PRDM16: variants seen among roughly 807,000 people sequenced by gnomAD.
PRDM16 encodes the protein histone-lysine N-methyltransferase PRDM16.
A neutral mutation model predicts 110.6 loss-of-function variants in PRDM16; 23 were observed. The observed-to-expected ratio is 0.21, with a 90% CI of 0.15 to 0.29. The LOEUF (loss-of-function observed/expected upper bound fraction) is 0.29. Among genes scored for constraint, PRDM16 ranks in the 10% least tolerant of loss-of-function variants. The pLI is 1.00. For missense variants in PRDM16, 1,615 were observed against 1,794.3 expected (o/e 0.90, Z 1.81); for synonymous variants, 799 against 781.8 (o/e 1.02, Z -0.37).
intron 3 of PRDM16, among the ~76,000 whole-genome samples, chr1:3,365,091 G>A (rs1642786124): frequency 6.6e-6 from 1 of 152,234 alleles, no homozygotes; most frequent in East Asian, 1.9e-4. Flanking sequence ...AGTGGGCGAG[G>A]GCAGCAACCT....
chr1:3,383,923 CTGCCCAAGGACACACT>C (rs1436511849), intron 3 of PRDM16, among the ~76,000 whole-genome samples: 2 of 151,582 alleles, frequency 1.3e-5, no homozygotes, highest in South Asian at 2.1e-4. Flanking sequence ...AAGGACACAC[CTGCCCAAGGACACACT>C]TGCCCACCAG....
At chr1:3,158,215 G>A (rs1002667484) in intron 1 of PRDM16, among the ~76,000 whole-genome samples, 7 of 152,096 alleles carry the variant, frequency 4.6e-5, no homozygotes, top group Non-Finnish European at 1.0e-4. Context: ...ACCGAGTCAC[G>A]CTCTCCATCA....
At chr1:3,342,154 C>G (rs1642285928) in intron 3 of PRDM16, among the ~76,000 whole-genome samples, 1 of 152,174 alleles carries the variant, frequency 6.6e-6, no homozygotes, top group Non-Finnish European at 1.5e-5. Flanking sequence ...TCACCTGTGC[C>G]ACCAACACCC....
intron 4 of PRDM16, chr1:3,394,372 C>T (rs1278377864): frequency 4.6e-6 from 2 of 431,838 alleles, no homozygotes; most frequent in East Asian, 1.5e-4. Context: ...GGCCGCCCAG[C>T]CCCCGTCCGC....
chr1:3,126,465 C>A (rs1270779531), intron 1 of PRDM16, among the ~76,000 whole-genome samples: 2 of 152,210 alleles, frequency 1.3e-5, no homozygotes, highest in Non-Finnish European at 2.9e-5. Context: ...CACCTGGGGT[C>A]CAGACAGCCC....
At chr1:3,380,419 G>A (rs918303419) in intron 3 of PRDM16, among the ~76,000 whole-genome samples, 3 of 152,078 alleles carry the variant, frequency 2.0e-5, no homozygotes, top group Non-Finnish European at 2.9e-5. Context: ...CCCGGCCTCC[G>A]GGGACAAGGA....
Position 3,425,105 on chromosome 1 carries a change from T to C in PRDM16, c.2940-476T>C, listed in dbSNP as rs569125355. 1 of 130,872 alleles carries C rather than the reference T, an allele frequency of 7.6e-6. No homozygotes were observed. Among genetic ancestry groups the C allele is most frequent in the East Asian group, 2.3e-4 (1 of 4,400 alleles). 8.1% of individuals were successfully genotyped at this position (130,872 alleles called of 1,614,324 possible). A position where few individuals can be genotyped will look rare whatever the true frequency, so the allele number is the denominator to read the frequency against. Reference sequence around the variant, plus strand: ...TTTTTTTTTTTTTTTTGAGATGGAGTCTCGCTCTGTCGCCCAGGCTGGAGT... The same window carrying C: ...TTTTTTTTTTTTTTTTGAGATGGAGCCTCGCTCTGTCGCCCAGGCTGGAGT... On this transcript the variant is annotated intron_variant, in intron 12 of 16. Coordinates refer to ENST00000270722, the MANE Select transcript of PRDM16 (RefSeq NM_022114.4). The surrounding 1 kb of genome is among the most constrained non-coding windows in gnomAD (Gnocchi z 6.9).
chr1:3,169,551 A>T (rs1644000972), intron 1 of PRDM16, among the ~76,000 whole-genome samples: 1 of 152,106 alleles, frequency 6.6e-6, no homozygotes, highest in Non-Finnish European at 1.5e-5. Context: ...TAAAATGGAG[A>T]TAATAACAGG....
At chr1:3,216,883 T>G (rs1639042276) in intron 2 of PRDM16, among the ~76,000 whole-genome samples, 3 of 152,264 alleles carry the variant, frequency 2.0e-5, no homozygotes, top group African/African-American at 7.2e-5. Flanking sequence ...TCCGCACCTC[T>G]GTCTTCCTCA....
At chr1:3,431,192 C>G (rs373368356) in intron 15 of PRDM16, 84 bp downstream of exon 15, 11 of 1,498,034 alleles carry the variant, frequency 7.3e-6, no homozygotes, top group South Asian at 2.6e-5. Flanking sequence ...TTCAGCCACT[C>G]GTGAGCCCAT....
At chr1:3,377,612 G>A (rs1212819254) in intron 3 of PRDM16, among the ~76,000 whole-genome samples, 1 of 152,168 alleles carries the variant, frequency 6.6e-6, no homozygotes, top group African/African-American at 2.4e-5. Context: ...TCCTTTGGAG[G>A]TCCTAGGACT....
chr1:3,110,714 T>C (rs1170198907), intron 1 of PRDM16, among the ~76,000 whole-genome samples: 2 of 152,226 alleles, frequency 1.3e-5, no homozygotes, highest in Non-Finnish European at 2.9e-5. Flanking sequence ...TGGTGTGAAC[T>C]TTCCTTCTCC....
intron 3 of PRDM16, among the ~76,000 whole-genome samples, chr1:3,365,950 G>GCACA (rs1557635600): frequency 1.5e-5 from 2 of 130,218 alleles, no homozygotes; most frequent in African/African-American, 6.8e-5. Context: ...AAACGCACAC[G>GCACA]CATGCACACA....
Position 3,335,638 on chromosome 1 carries a change from CACA to C in PRDM16, c.439-49513_439-49511del, listed in dbSNP as rs1557617173. Among the ~76,000 whole-genome samples, 26 of 151,860 alleles carry C rather than the reference CACA, an allele frequency of 1.7e-4. No individual in the cohort carries two copies. The East Asian group carries it at 1.9e-3, about 11-fold the overall frequency. On this transcript the variant is annotated intron_variant, in intron 3 of 16. Transcript: ENST00000270722. ...ACACACACACACACACACACACACA[CACA>C]CCCTTGGACATAAATCTGCAAATAA...
intron 1 of PRDM16, among the ~76,000 whole-genome samples, chr1:3,085,281 T>C (rs966850424): frequency 6.6e-6 from 1 of 152,140 alleles, no homozygotes; most frequent in African/African-American, 2.4e-5. Context: ...GCCACGGCTA[T>C]GGTGGCCTTC....
chr1:3,313,906 C>T (rs942435044), intron 3 of PRDM16, among the ~76,000 whole-genome samples: 52 of 152,254 alleles, frequency 3.4e-4, no homozygotes, highest in African/African-American at 1.2e-3. Flanking sequence ...GAACACTGTT[C>T]GCGCCCTGGC....
At chr1:3,150,900 G>T (rs1368649549) in intron 1 of PRDM16, among the ~76,000 whole-genome samples, 1 of 87,626 alleles carries the variant, frequency 1.1e-5, no homozygotes, top group Admixed American at 1.3e-4. Context: ...CTATGGAAAC[G>T]GGGGGGCTGG....
chr1:3,111,941 A>G (rs1404179150), intron 1 of PRDM16, among the ~76,000 whole-genome samples: 2 of 152,156 alleles, frequency 1.3e-5, no homozygotes, highest in African/African-American at 4.8e-5. Context: ...TTCCATTGAG[A>G]GGGAGGGCAG....
At position 3,300,486 on chromosome 1, in the gene PRDM16, G is replaced by A. The variant is rs71202814; in HGVS notation, c.438+56349G>A. Reference sequence around the variant, plus strand: ...GATGTTTCCAATCCCAGTCGTGGTGGCTCTGCCCTGGTTGAAGATGATGTG... The same window carrying A: ...GATGTTTCCAATCCCAGTCGTGGTGACTCTGCCCTGGTTGAAGATGATGTG... On this transcript the variant is annotated intron_variant, in intron 3 of 16. Coordinates refer to ENST00000270722, the MANE Select transcript of PRDM16 (RefSeq NM_022114.4). 1.1e-3 allele frequency among the ~76,000 whole-genome samples: 167 copies of A among 146,092 alleles called. 1 individual carries two copies. Among genetic ancestry groups the A allele is most frequent in the African/African-American group, 2.7e-3 (106 of 39,786 alleles).
Sources: gnomAD v4.1 joint callset for allele counts (sites outside exome capture counted in the v4.1 genomes callset) on GRCh38, gnomAD v4.1.1 for gene constraint, Gnocchi (gnomAD v3.1) non-coding constraint, MANE v1.5 for transcripts, NCBI Gene and HGNC (gene_info 2026-07-23, HGNC 2026-07-21) for gene names.